ACSM5: variants seen among roughly 807,000 people sequenced by gnomAD.
The protein encoded by ACSM5 is acyl-coenzyme A synthetase ACSM5, mitochondrial.
In ACSM5, 56 loss-of-function variants were observed where a neutral mutation model predicts 71.6. The ratio of observed to expected loss-of-function variants is 0.78; its 90% CI spans 0.63 to 0.98. The LOEUF (loss-of-function observed/expected upper bound fraction) is 0.98, where lower values mean the gene tolerates loss of function less well. Among genes scored for constraint, ACSM5 ranks in the 50% least tolerant of loss-of-function variants. The probability of loss-of-function intolerance (pLI) is 0.00; values close to 1 mark genes in which losing one functional copy is unlikely to be tolerated. For missense variants in ACSM5, 723 were observed against 726.0 expected (o/e 1.00, Z 0.05); for synonymous variants, 285 against 281.5 (o/e 1.01, Z -0.12).
At chr16:20,437,396 C>T (rs551185046) in intron 12 of ACSM5, 29 bp downstream of exon 12, 2 of 1,493,588 alleles carry the variant, frequency 1.3e-6, no homozygotes, top group East Asian at 4.5e-5. Flanking sequence ...AACATGGCCT[C>T]CTGCTTCTGT....
intron 10 of ACSM5, among the ~76,000 whole-genome samples, chr16:20,434,046 C>T (rs1475937414): frequency 6.6e-6 from 1 of 152,058 alleles, no homozygotes; most frequent in Non-Finnish European, 1.5e-5. Flanking sequence ...CATCTTCCTC[C>T]TTGGTTGTAG....
chr16:20,410,481 A>G (rs1020084206), intron 1 of ACSM5, among the ~76,000 whole-genome samples: 2 of 152,202 alleles, frequency 1.3e-5, no homozygotes, highest in Admixed American at 6.5e-5. Flanking sequence ...CTGTAATCCC[A>G]GCACTTGGGA....
At chr16:20,413,316 C>T (rs2141638843) in intron 2 of ACSM5, among the ~76,000 whole-genome samples, 1 of 152,288 alleles carries the variant, frequency 6.6e-6, no homozygotes, top group Non-Finnish European at 1.5e-5. Flanking sequence ...GCCCCCATTT[C>T]TGGTGCATCA....
intron 13 of ACSM5, 153 bp from the exon 14 acceptor site, chr16:20,440,191 G>A: frequency 1.5e-6 from 1 of 671,414 alleles, no homozygotes; most frequent in Non-Finnish European, 2.6e-6. Context: ...TGTGCTCCAG[G>A]CTCCAGCTGT....
Position 20,441,262 on chromosome 16 carries a change from C to T in ACSM5, c.*835C>T, listed in dbSNP as rs1489018068. On this transcript the variant is annotated 3_prime_UTR_variant, in exon 14 of 14. Transcript: ENST00000331849. ...GTTTTTCTTCTTCCTTTTTCCATTA[C>T]ATTTCTGTATTTTCCAAGTTTTTGT... The T allele has an allele frequency of 6.6e-6, 1 of 152,106 alleles. No individual in the cohort carries two copies. Among genetic ancestry groups the T allele is most frequent in the African/African-American group, 2.4e-5 (1 of 41,406 alleles). The allele number at this position is 152,106 out of a possible 1,614,324, so 9.4% of individuals were successfully genotyped here.
At chr16:20,425,152 C>A (rs1204313637) in intron 6 of ACSM5, among the ~76,000 whole-genome samples, 2 of 152,214 alleles carry the variant, frequency 1.3e-5, no homozygotes, top group African/African-American at 4.8e-5. Flanking sequence ...CCCGACTACC[C>A]TTCCCAGCCT....
chr16:20,421,348 G>A lies in ACSM5; in HGVS notation c.714G>A (p.Lys238=). The change falls in exon 5 of 14, where the codon AAG becomes AAA. Residue 238 remains lysine (K), a synonymous_variant. Coordinates refer to ENST00000331849, the MANE Select transcript of ACSM5 (RefSeq NM_017888.3). ...YFTSGTTGAP[K]MVEHSQSSYG... ...CCAGCGGAACCACCGGGGCCCCCAA[G>A]ATGGTCGAGCACTCCCAGAGCAGCT... 1 of 1,609,820 alleles carries A rather than the reference G, an allele frequency of 6.2e-7. No individual in the cohort carries two copies. The highest frequency in any genetic ancestry group is 1.7e-4 in the Middle Eastern group (1 of 5,914).
At chr16:20,417,700 G>A (rs73545412) in intron 2 of ACSM5, among the ~76,000 whole-genome samples, 6,385 of 152,148 alleles carry the variant, frequency 0.042, 229 homozygotes, top group African/African-American at 0.095. Flanking sequence ...GATTTTTATG[G>A]TACCTGAATT....
At chr16:20,436,971 C>T (rs1967211379) in intron 10 of ACSM5, 81 bp from the exon 11 acceptor site, 1 of 1,506,864 alleles carries the variant, frequency 6.6e-7, no homozygotes, top group Non-Finnish European at 9.1e-7. Context: ...TCTCCAGCTT[C>T]CTACAGGGGG....
At chr16:20,428,248 G>A (rs1234506490) in intron 7 of ACSM5, among the ~76,000 whole-genome samples, 1 of 152,220 alleles carries the variant, frequency 6.6e-6, no homozygotes, top group Non-Finnish European at 1.5e-5. Flanking sequence ...CGAGAGAAAT[G>A]ATTGGAAAAT....
chr16:20,415,201 G>A (rs974507137), intron 2 of ACSM5, among the ~76,000 whole-genome samples: 1 of 152,192 alleles, frequency 6.6e-6, no homozygotes, highest in African/African-American at 2.4e-5. Flanking sequence ...GAACCTGGTG[G>A]TTTGAACAAT....
chr16:20,437,356 A>C lies in ACSM5; in HGVS notation c.1525A>C (p.Ile509Leu). The C allele has an allele frequency of 3.1e-6, 5 of 1,612,914 alleles. No individual in the cohort carries two copies. The highest frequency in any genetic ancestry group is 4.2e-6 in the Non-Finnish European group (5 of 1,179,106). The change falls in exon 12 of 14, where the codon ATC becomes CTC. Residue 509 changes from isoleucine (I) to leucine (L), a missense_variant. Ile to Leu is a conservative substitution (Grantham distance 5). Coordinates refer to ENST00000331849, the MANE Select transcript of ACSM5 (RefSeq NM_017888.3). ...GGCTGTGGTCAGCAGCCCAGACCCC[A>C]TCAGGGGAGAGGTAACCAGTGCACC... Reference protein sequence around the residue: ...ESAVVSSPDPIRGEVVKAFIV... With the variant: ...ESAVVSSPDPLRGEVVKAFIV...
At chr16:20,428,541 T>C (rs1967033651) in intron 7 of ACSM5, among the ~76,000 whole-genome samples, 1 of 152,218 alleles carries the variant, frequency 6.6e-6, no homozygotes, top group Non-Finnish European at 1.5e-5. Flanking sequence ...CCCTGACCTG[T>C]TCTCCCTCTT....
At chr16:20,424,673 A>C (rs1024866103) in intron 6 of ACSM5, among the ~76,000 whole-genome samples, 1 of 152,014 alleles carries the variant, frequency 6.6e-6, no homozygotes, top group Non-Finnish European at 1.5e-5. Flanking sequence ...TCAGACCTGG[A>C]CTCTGATCCT....
intron 10 of ACSM5, among the ~76,000 whole-genome samples, chr16:20,436,414 A>G (rs1357531785): frequency 3.3e-5 from 5 of 152,024 alleles, no homozygotes; most frequent in Admixed American, 3.3e-4. Context: ...CCTATAGCCC[A>G]GGCTGGAGTG....
chr16:20,431,429 G>A lies in ACSM5; in HGVS notation c.1308+108G>A, dbSNP rs1967099182. On this transcript the variant is annotated intron_variant, in intron 10 of 13. Coordinates refer to ENST00000331849, the MANE Select transcript of ACSM5 (RefSeq NM_017888.3). ...TTAATCCTTACAATGACTGCATGAG[G>A]TAGGTTGCTACTATTATTAATAAAG... 11 of 861,816 alleles carry A rather than the reference G, an allele frequency of 1.3e-5. No homozygotes were observed. In the South Asian group the frequency reaches 1.7e-4, roughly 13 times the overall value. The allele number at this position is 861,816 out of a possible 1,614,324, so 53.4% of individuals were successfully genotyped here.
At chr16:20,428,423 C>A (rs1182913682) in intron 7 of ACSM5, among the ~76,000 whole-genome samples, 1 of 152,208 alleles carries the variant, frequency 6.6e-6, no homozygotes, top group East Asian at 1.9e-4. Flanking sequence ...GGACAAGGCA[C>A]TGATGATGGC....
In ACSM5 at chr16:20,437,176, C is replaced by A. The variant is rs764111628; in HGVS notation, c.1433C>A (p.Ser478Ter). 1.2e-6 allele frequency: 2 copies of A among 1,614,062 alleles called. No homozygotes were observed. Among genetic ancestry groups the A allele is most frequent in the African/African-American group, 2.7e-5 (2 of 74,934 alleles). ...AGAAACGACGATGTGATCAATTCTTCAAGGTCAAGCTGTCTGCACTTTCCT... is the reference window on the plus strand; with the variant it reads ...AGAAACGACGATGTGATCAATTCTTAAAGGTCAAGCTGTCTGCACTTTCCT... Reference protein sequence around the residue: ...MGRNDDVINSSSYRIGPVEVE... With the variant: ...MGRNDDVINS Residue 478 changes from serine (S) to a stop codon, truncating the protein, a stop_gained, in exon 11 of 14, where the codon TCA (serine) becomes TAA (stop). Coordinates refer to ENST00000331849, the MANE Select transcript of ACSM5 (RefSeq NM_017888.3). LOFTEE classifies it high-confidence loss of function.
rs1456454304 is a variant in ACSM5, at chr16:20,439,920, G to T, written c.1656+1G>T. 1 of 1,612,240 alleles carries T rather than the reference G, an allele frequency of 6.2e-7. No homozygotes were observed. Among genetic ancestry groups the T allele is most frequent in the South Asian group, 1.1e-5 (1 of 90,998 alleles). On this transcript the variant is annotated splice_donor_variant, in intron 13 of 13. Transcript: ENST00000331849. LOFTEE classifies it high-confidence loss of function. ...TGCTCCATACAAATACCCCAGGAAG[G>T]TAAATATCAGGGTTTCCAGGGCACA...
Sources: allele counts gnomAD v4.1 joint callset (sites outside exome capture counted in the v4.1 genomes callset), GRCh38; gene constraint gnomAD v4.1.1; transcripts MANE v1.5; gene names NCBI Gene and HGNC (gene_info 2026-07-23, HGNC 2026-07-21).